Variants in HMX1 observed in about 807,000 individuals in gnomAD.
HMX1 encodes homeobox protein HMX1.
In HMX1, 8 loss-of-function variants were observed where a neutral mutation model predicts 8.9. The ratio of observed to expected loss-of-function variants is 0.90; its 90% CI spans 0.53 to 1.63. The LOEUF (loss-of-function observed/expected upper bound fraction) is 1.63. Ranked by LOEUF, HMX1 falls within the 40% of genes most tolerant of loss-of-function variation. The pLI is 0.00. For missense variants in HMX1, 621 were observed against 558.5 expected (o/e 1.11, Z -1.13); for synonymous variants, 311 against 283.4 (o/e 1.10, Z -0.98).
At position 8,847,340 on chromosome 4, in the gene HMX1, T is replaced by A. The variant is rs1721309388; in HGVS notation, c.395-1016A>T. ...AGTGATCTGATGTCTCCTGAGAATA[T>A]CTTTGACTTAAGAATTCCTGGTTCA... On this transcript the variant is annotated intron_variant, in intron 1 of 1. Transcript: ENST00000506970. The surrounding 1 kb of genome is among the most constrained non-coding windows in gnomAD (Gnocchi z 6.0). Among the ~76,000 whole-genome samples, 1 of 152,198 alleles carries A rather than the reference T, an allele frequency of 6.6e-6. No homozygotes were observed. The highest frequency in any genetic ancestry group is 6.5e-5 in the Admixed American group (1 of 15,280).
At chr4:8,858,155 G>T (rs1577195160) in intron 1 of HMX1, among the ~76,000 whole-genome samples, 1 of 152,138 alleles carries the variant, frequency 6.6e-6, no homozygotes, top group East Asian at 1.9e-4. Flanking sequence ...GGGGGAAATG[G>T]ATTTTCGCGA....
Position 8,868,063 on chromosome 4 carries a change from C to T in HMX1, c.677G>A (p.Arg226His). ...FQLESTFDLK[R>H]YLSSAERAGL... is the part of the protein sequence containing the mutation. ...GGCGCGCTCGGCGCTGCTCAGGTAG[C>T]GCTTCAGGTCGAAGGTGGATTCCAG... The change falls in exon 2 of 2, where the codon CGC (arginine) becomes CAC (histidine). Residue 226 changes from arginine (R) to histidine (H), a missense_variant. By Grantham distance (29) the Arg-to-His change is conservative. Transcript: ENST00000400677. This position sits in a 1 kb window ranked among gnomAD's most constrained non-coding sequence, Gnocchi z 4.6. 1.3e-6 allele frequency: 2 copies of T among 1,539,126 alleles called. No individual in the cohort carries two copies. Among genetic ancestry groups the T allele is most frequent in the Non-Finnish European group, 1.7e-6 (2 of 1,145,826 alleles).
downstream of HMX1, among the ~76,000 whole-genome samples, chr4:8,864,554 C>G (rs1721932905): frequency 6.6e-6 from 1 of 152,244 alleles, no homozygotes; most frequent in South Asian, 2.1e-4. Flanking sequence ...GAGCTCAGGA[C>G]TCAGAGGGGC....
chr4:8,866,716 C>T (rs1271545845), downstream of HMX1, among the ~76,000 whole-genome samples: 5 of 152,234 alleles, frequency 3.3e-5, no homozygotes, highest in Admixed American at 6.5e-5. Context: ...GCCACACAGC[C>T]GAGCCCCTGT....
At chr4:8,863,741 C>G (rs1721905728), downstream of HMX1, among the ~76,000 whole-genome samples, 1 of 152,260 alleles carries the variant, frequency 6.6e-6, no homozygotes, top group Non-Finnish European at 1.5e-5. Context: ...GCTCTCTCGG[C>G]CAAGGGCCTG....
chr4:8,867,476 C>A lies in HMX1; in HGVS notation c.*217G>T. ...CATGGCCCCCTGTTCGAGTGGGGAT[C>A]CAGCCTGGCAAATGGGTGGGGCGTC... is the stretch of plus-strand genomic sequence containing the variant. On this transcript the variant is annotated 3_prime_UTR_variant, in exon 2 of 2. Coordinates refer to ENST00000400677, the MANE Select transcript of HMX1 (RefSeq NM_018942.3). The A allele has an allele frequency of 1.7e-6, 2 of 1,154,676 alleles. No homozygotes were observed. Among genetic ancestry groups the A allele is most frequent in the Non-Finnish European group, 1.1e-6 (1 of 939,514 alleles). 71.5% of individuals were successfully genotyped at this position (1,154,676 alleles called of 1,614,324 possible).
rs1363451005 is a variant in HMX1, at chr4:8,853,626, C to T, written c.395-7302G>A. 1.3e-5 allele frequency among the ~76,000 whole-genome samples: 2 copies of T among 152,130 alleles called. No individual in the cohort carries two copies. The highest frequency in any genetic ancestry group is 2.9e-5 in the Non-Finnish European group (2 of 68,024). On this transcript the variant is annotated intron_variant, in intron 1 of 1. Transcript: ENST00000506970. The surrounding 1 kb of genome is among the most constrained non-coding windows in gnomAD (Gnocchi z 4.7). ...CAGCACTTTGGCAGGCCAAGGCGGG[C>T]GGATCACCTGAGGTCAGGAGTTCAA...
intron 1 of HMX1, among the ~76,000 whole-genome samples, chr4:8,869,927 C>A (rs192340134): frequency 6.6e-6 from 1 of 152,166 alleles, no homozygotes; most frequent in Non-Finnish European, 1.5e-5. Context: ...TAGTCTCCCC[C>A]AGAAGGGCAC....
downstream of HMX1, among the ~76,000 whole-genome samples, chr4:8,866,234 C>T (rs1233776686): frequency 6.6e-6 from 1 of 152,218 alleles, no homozygotes; most frequent in Non-Finnish European, 1.5e-5. Context: ...CCTTGGCCGT[C>T]TGGCGCTACC....
rs1721518582 is a variant in HMX1 at position 8,853,535 on chromosome 4, G to T, written c.395-7211C>A. On this transcript the variant is annotated intron_variant, in intron 1 of 1. Coordinates refer to the HMX1 transcript ENST00000506970. The surrounding 1 kb of genome is among the most constrained non-coding windows in gnomAD (Gnocchi z 4.7). ...CTAAGTGCCCAACTGAAATCCAGAA[G>T]GGTTCAATTAGTAAAAGGTAAAAGG... 6.6e-6 allele frequency among the ~76,000 whole-genome samples: 1 copy of T among 152,204 alleles called. No homozygotes were observed. The highest frequency in any genetic ancestry group is 1.5e-5 in the Non-Finnish European group (1 of 68,046).
chr4:8,858,244 C>G (rs1286975829), intron 1 of HMX1, among the ~76,000 whole-genome samples: 5 of 152,070 alleles, frequency 3.3e-5, no homozygotes, highest in South Asian at 2.1e-4. Flanking sequence ...GCTGGAGCCC[C>G]GAGAGCGCTC....
intron 1 of HMX1, among the ~76,000 whole-genome samples, chr4:8,869,808 G>A (rs926116265): frequency 6.6e-6 from 1 of 152,202 alleles, no homozygotes; most frequent in Non-Finnish European, 1.5e-5. Flanking sequence ...AACCCGCATG[G>A]CACGAAATAA....
chr4:8,861,921 A>G (rs1182586549), intron 1 of HMX1, among the ~76,000 whole-genome samples: 1 of 152,228 alleles, frequency 6.6e-6, no homozygotes, highest in African/African-American at 2.4e-5. Context: ...GCAACCTCCC[A>G]AACACTGCAG....
chr4:8,860,075 C>T (rs1027748319), intron 1 of HMX1, among the ~76,000 whole-genome samples: 4 of 152,266 alleles, frequency 2.6e-5, no homozygotes, highest in African/African-American at 4.8e-5. Context: ...AGGGGCGAAG[C>T]CGAGTTCGTG....
chr4:8,857,715 C>T (rs1484030028), intron 1 of HMX1, among the ~76,000 whole-genome samples: 1 of 152,182 alleles, frequency 6.6e-6, no homozygotes, highest in Non-Finnish European at 1.5e-5. Context: ...CAATTTTGGA[C>T]GTTTCTGGTT....
downstream of HMX1, among the ~76,000 whole-genome samples, chr4:8,865,744 C>G (rs761877888): frequency 2.9e-4 from 44 of 152,216 alleles, no homozygotes; most frequent in Middle Eastern, 3.4e-3. Context: ...CCCTCATGGC[C>G]GCCAACAGGG....
downstream of HMX1, among the ~76,000 whole-genome samples, chr4:8,865,833 C>T (rs139701764): frequency 6.6e-6 from 1 of 152,166 alleles, no homozygotes; most frequent in South Asian, 2.1e-4. Context: ...CCTGGTTTAG[C>T]CAGGAAAGCA....
rs557012588 is a variant in HMX1, at chr4:8,868,503, A to C, written c.395-158T>G. Among the ~76,000 whole-genome samples, 1 of 152,032 alleles carries C rather than the reference A, an allele frequency of 6.6e-6. No individual in the cohort carries two copies. Among genetic ancestry groups the C allele is most frequent in the Non-Finnish European group, 1.5e-5 (1 of 68,002 alleles). On this transcript the variant is annotated intron_variant, in intron 1 of 1. Transcript: ENST00000400677. The surrounding 1 kb of genome is among the most constrained non-coding windows in gnomAD (Gnocchi z 4.6). ...ACCCAGCAGCTCTGGGGATGCACAC[A>C]TTGTCAGAACCGTGGGAGGCGGCCC...
chr4:8,866,132 G>C (rs974138046), downstream of HMX1, among the ~76,000 whole-genome samples: 1 of 152,206 alleles, frequency 6.6e-6, no homozygotes, highest in Non-Finnish European at 1.5e-5. Context: ...GGGCCGGGGC[G>C]GGGGCTGGGG....
Sources: gnomAD v4.1 joint callset for allele counts (sites outside exome capture counted in the v4.1 genomes callset) on GRCh38, gnomAD v4.1.1 for gene constraint, Gnocchi (gnomAD v3.1) non-coding constraint, MANE v1.5 for transcripts, NCBI Gene and HGNC (gene_info 2026-07-23, HGNC 2026-07-21) for gene names.